The following ERMP1 variants were observed in gnomAD, a reference collection of about 807,000 sequenced individuals.
ERMP1 encodes endoplasmic reticulum metallopeptidase 1, also known as Felix-ina.
ERMP1 carries 86 observed loss-of-function variants against 92.0 expected under a neutral mutation model. The ratio of observed to expected loss-of-function variants is 0.93; its 90% CI spans 0.79 to 1.12. ERMP1 has a LOEUF of 1.12. Among genes scored for constraint, ERMP1 ranks in the 50% most tolerant of loss-of-function variants. ERMP1 has a pLI of 0.00. For missense variants in ERMP1, 1,342 were observed against 1,116.3 expected, an observed-to-expected ratio of 1.20 and a Z score of -2.88; for synonymous variants, 530 against 412.8, an observed-to-expected ratio of 1.28 and a Z score of -3.44.
chr9:5,790,225 G>C (rs1296010239), intron 13 of ERMP1, among the ~76,000 whole-genome samples: 1 of 149,600 alleles, frequency 6.7e-6, no homozygotes, highest in African/African-American at 2.5e-5. Context: ...TGTGGCCCAG[G>C]CTGGAGCGCA....
chr9:5,825,415 C>T (rs987056235), intron 2 of ERMP1, among the ~76,000 whole-genome samples, 196 bp from the exon 3 acceptor site: 3 of 152,200 alleles, frequency 2.0e-5, no homozygotes, highest in African/African-American at 7.2e-5. Context: ...GTCTGGTTTG[C>T]TCACTGACTT....
chr9:5,832,576 T>C lies in ERMP1; in HGVS notation c.338+114A>G. 3 of 832,336 alleles carry C rather than the reference T, an allele frequency of 3.6e-6. No individual in the cohort carries two copies. The South Asian group carries it at 7.1e-5, about 20-fold the overall frequency. The allele number at this position is 832,336 out of a possible 1,614,324, so 51.6% of individuals were successfully genotyped here. ...CACCCCACGTGCAGCCTGGGAGGGG[T>C]CAGCGAGTCCCAGCGGTCCGGCAGG... On this transcript the variant is annotated intron_variant, in intron 1 of 14. Coordinates refer to ENST00000339450, the MANE Select transcript of ERMP1 (RefSeq NM_024896.3).
intron 8 of ERMP1, 146 bp from the exon 9 acceptor site, chr9:5,805,931 C>A: frequency 1.7e-6 from 1 of 585,952 alleles, no homozygotes; most frequent in Admixed American, 3.6e-5. Context: ...AAAGTAAACA[C>A]TAACAAAGCT....
intron 6 of ERMP1, among the ~76,000 whole-genome samples, chr9:5,846,500 T>C (rs1013661512): frequency 2.6e-5 from 4 of 152,348 alleles, no homozygotes; most frequent in Middle Eastern, 3.4e-3. Context: ...GGAAGCTGTT[T>C]GTAGCTGCCA....
At chr9:5,817,582 A>AT (rs1282695221) in intron 4 of ERMP1, among the ~76,000 whole-genome samples, 1 of 152,186 alleles carries the variant, frequency 6.6e-6, no homozygotes, top group African/African-American at 2.4e-5. Context: ...ATACAGAAAC[A>AT]TTTTCAATTG....
At chr9:5,864,854 G>A (rs989029749) in intron 5 of ERMP1, among the ~76,000 whole-genome samples, 1 of 152,182 alleles carries the variant, frequency 6.6e-6, no homozygotes, top group African/African-American at 2.4e-5. Flanking sequence ...GAGTTCCAGT[G>A]TGGTGGCATG....
chr9:5,846,534 G>A (rs550090803), intron 6 of ERMP1, among the ~76,000 whole-genome samples: 3 of 152,326 alleles, frequency 2.0e-5, no homozygotes, highest in South Asian at 4.1e-4. Flanking sequence ...TGTAACCTGT[G>A]ATTATGTCAG....
chr9:5,850,108 G>A (rs183948825), intron 6 of ERMP1, among the ~76,000 whole-genome samples: 1 of 152,144 alleles, frequency 6.6e-6, no homozygotes, highest in African/African-American at 2.4e-5. Flanking sequence ...CCAGGGCCCA[G>A]GTCTCCCCCC....
intron 5 of ERMP1, among the ~76,000 whole-genome samples, chr9:5,860,929 C>G (rs1830467172): frequency 6.6e-6 from 1 of 152,170 alleles, no homozygotes; most frequent in Non-Finnish European, 1.5e-5. Flanking sequence ...CTCACTCTCT[C>G]TCCTTCTGTC....
chr9:5,866,955 C>T (rs1244652683), intron 5 of ERMP1, among the ~76,000 whole-genome samples: 1 of 152,174 alleles, frequency 6.6e-6, no homozygotes, highest in African/African-American at 2.4e-5. Flanking sequence ...CCTATAATCC[C>T]AGCACTTTGG....
chr9:5,830,862 T>TA lies in ERMP1; in HGVS notation c.504dup (p.Ser169Ter), dbSNP rs751261931. ...GTAAAACCTCCCAAGAAATCAATGC[T>TA]AAAAGAGCCTGTGGGCCGTTGTACA... On this transcript the variant is annotated frameshift_variant, in exon 2 of 15. Transcript: ENST00000339450. LOFTEE classifies it high-confidence loss of function. 443 of 1,614,062 alleles carry TA rather than the reference T, an allele frequency of 2.7e-4. 2 individuals are homozygous for TA. Among genetic ancestry groups the TA allele is most frequent in the Non-Finnish European group, 3.6e-4 (427 of 1,180,036 alleles).
chr9:5,864,545 A>G (rs1289728932), intron 5 of ERMP1, among the ~76,000 whole-genome samples: 1 of 152,162 alleles, frequency 6.6e-6, no homozygotes, highest in African/African-American at 2.4e-5. Flanking sequence ...CGGGTATTTG[A>G]CCCTTCTAAA....
At chr9:5,845,999 G>C (rs962757179) in intron 6 of ERMP1, among the ~76,000 whole-genome samples, 1 of 152,202 alleles carries the variant, frequency 6.6e-6, no homozygotes, top group African/African-American at 2.4e-5. Flanking sequence ...GCCAGTCAGT[G>C]CTTCTTGAAC....
chr9:5,858,438 C>T (rs941016901), intron 6 of ERMP1, among the ~76,000 whole-genome samples: 1 of 152,160 alleles, frequency 6.6e-6, no homozygotes, highest in African/African-American at 2.4e-5. Flanking sequence ...TATTCCAGAG[C>T]TCCTGGCTCA....
chr9:5,864,393 G>C (rs1161316965), intron 5 of ERMP1, among the ~76,000 whole-genome samples: 1 of 152,128 alleles, frequency 6.6e-6, no homozygotes, highest in Non-Finnish European at 1.5e-5. Context: ...TGAGATTCCA[G>C]TACCCCCACT....
chr9:5,834,954 AC>A (rs1162735505), upstream of ERMP1, among the ~76,000 whole-genome samples: 1 of 48,638 alleles, frequency 2.1e-5, no homozygotes, highest in Non-Finnish European at 3.8e-5. Flanking sequence ...AGATAGATAG[AC>A]AGATGATAGA....
intron 5 of ERMP1, among the ~76,000 whole-genome samples, chr9:5,865,472 T>G (rs921078171): frequency 3.3e-5 from 5 of 149,328 alleles, no homozygotes; most frequent in African/African-American, 9.8e-5. Flanking sequence ...CGCGCCACTG[T>G]GCTCCAGCCT....
intron 10 of ERMP1, among the ~76,000 whole-genome samples, chr9:5,804,542 C>T (rs1157473246): frequency 2.6e-5 from 4 of 152,136 alleles, no homozygotes; most frequent in Admixed American, 6.5e-5. Flanking sequence ...AATTAACAAG[C>T]TTTCATGTGG....
intron 6 of ERMP1, among the ~76,000 whole-genome samples, chr9:5,857,384 C>T (rs1000641978): frequency 6.6e-6 from 1 of 152,114 alleles, no homozygotes; most frequent in Admixed American, 6.5e-5. Flanking sequence ...TTGTTTGCCT[C>T]GGCTGGGCAC....
Sources: gnomAD v4.1 joint callset for allele counts (sites outside exome capture counted in the v4.1 genomes callset) on GRCh38, gnomAD v4.1.1 for gene constraint, MANE v1.5 for transcripts, NCBI Gene and HGNC (gene_info 2026-07-23, HGNC 2026-07-21) for gene names.